COLEC10: variants seen among roughly 807,000 people sequenced by gnomAD.
COLEC10 encodes the protein collectin-10.
COLEC10 carries 22 observed loss-of-function variants against 28.4 expected under a neutral mutation model. The observed-to-expected ratio is 0.78, with a 90% CI of 0.55 to 1.11. The LOEUF (loss-of-function observed/expected upper bound fraction) is 1.11, where lower values mean the gene tolerates loss of function less well. Ranked by LOEUF, COLEC10 falls within the 50% of genes least tolerant of loss-of-function variation. COLEC10 has a pLI of 0.00. For missense variants in COLEC10, 361 were observed against 344.1 expected, an observed-to-expected ratio of 1.05 and a Z score of -0.39; for synonymous variants, 125 against 116.1, an observed-to-expected ratio of 1.08 and a Z score of -0.49.
At chr8:118,987,653 G>GA in the COLEC10 span, among the ~76,000 whole-genome samples, 32 of 151,356 alleles carry the variant, frequency 2.1e-4, no homozygotes, top group African/African-American at 6.5e-4. Context: ...AAAGTGTTGA[G>GA]AAAAAAAAAT....
the COLEC10 span, among the ~76,000 whole-genome samples, chr8:118,952,951 T>C: frequency 6.6e-6 from 1 of 152,192 alleles, no homozygotes; most frequent in Non-Finnish European, 1.5e-5. Flanking sequence ...CCTGCAGAGC[T>C]GCTTCCCCAT....
intron 1 of COLEC10, among the ~76,000 whole-genome samples, chr8:119,004,262 A>G (rs1813749183): frequency 6.6e-6 from 1 of 151,986 alleles, no homozygotes; most frequent in African/African-American, 2.4e-5. Context: ...AGCTATTCCA[A>G]CTATCAGGTC....
chr8:118,953,988 G>A, the COLEC10 span, among the ~76,000 whole-genome samples: 9 of 152,148 alleles, frequency 5.9e-5, no homozygotes, highest in African/African-American at 1.4e-4. Flanking sequence ...AATAGTGTCC[G>A]GCACATAGTG....
chr8:119,032,103 A>G (rs1012678443), intron 2 of COLEC10, among the ~76,000 whole-genome samples: 1 of 152,202 alleles, frequency 6.6e-6, no homozygotes, highest in Non-Finnish European at 1.5e-5. Context: ...ACTCAATTTG[A>G]GGTCATCTTA....
the COLEC10 span, among the ~76,000 whole-genome samples, chr8:118,965,187 G>A: frequency 1.3e-5 from 2 of 151,592 alleles, no homozygotes; most frequent in Admixed American, 6.6e-5. Context: ...AAGATACAGA[G>A]GCAGGGAAAT....
intron 2 of COLEC10, among the ~76,000 whole-genome samples, chr8:119,034,801 A>T (rs974694323): frequency 6.6e-6 from 1 of 152,248 alleles, no homozygotes; most frequent in Non-Finnish European, 1.5e-5. Flanking sequence ...TCTGACACTT[A>T]CTAGCTGTGT....
intron 4 of COLEC10, among the ~76,000 whole-genome samples, chr8:119,103,436 T>C (rs1815878262): frequency 6.6e-6 from 1 of 152,158 alleles, no homozygotes; most frequent in Admixed American, 6.6e-5. Context: ...AGGAAATATG[T>C]TTCAAGAAAG....
At chr8:119,083,030 G>A (rs1815398177) in intron 1 of COLEC10, among the ~76,000 whole-genome samples, 2 of 152,158 alleles carry the variant, frequency 1.3e-5, no homozygotes, top group South Asian at 4.1e-4. Flanking sequence ...ATTATCTAGT[G>A]TTTGTACTAG....
the COLEC10 span, among the ~76,000 whole-genome samples, chr8:118,955,478 C>A: frequency 6.6e-6 from 1 of 152,206 alleles, no homozygotes; most frequent in Non-Finnish European, 1.5e-5. Context: ...TGGTTCACTA[C>A]TCACCTATAA....
chr8:119,088,340 C>A (rs142405382), intron 1 of COLEC10, among the ~76,000 whole-genome samples: 1 of 152,178 alleles, frequency 6.6e-6, no homozygotes, highest in East Asian at 1.9e-4. Context: ...TTTCTGAAAG[C>A]CATCCTAGGA....
At chr8:118,999,062 A>G (rs1471948316) in intron 1 of COLEC10, among the ~76,000 whole-genome samples, 1 of 152,116 alleles carries the variant, frequency 6.6e-6, no homozygotes, top group Non-Finnish European at 1.5e-5. Context: ...AATAGAGACA[A>G]ATAAATGTGT....
chr8:119,050,056 A>T (rs961486021), intron 2 of COLEC10, among the ~76,000 whole-genome samples: 7 of 152,148 alleles, frequency 4.6e-5, no homozygotes, highest in African/African-American at 1.7e-4. Flanking sequence ...CCTAACTTCA[A>T]AGCAACTCTT....
At chr8:118,970,717 A>T in the COLEC10 span, among the ~76,000 whole-genome samples, 1 of 151,496 alleles carries the variant, frequency 6.6e-6, no homozygotes, top group Non-Finnish European at 1.5e-5. Flanking sequence ...TCTTTGAATG[A>T]TATAATATCC....
At chr8:118,954,315 C>T in the COLEC10 span, among the ~76,000 whole-genome samples, 1 of 152,206 alleles carries the variant, frequency 6.6e-6, no homozygotes, top group Admixed American at 6.5e-5. Flanking sequence ...TGACAGAAAA[C>T]TGACAGAGAC....
chr8:119,091,595 G>GAAAGAAAGAAAGAAAGAA (rs1554629267), intron 3 of COLEC10, among the ~76,000 whole-genome samples: 1 of 138,488 alleles, frequency 7.2e-6, no homozygotes, highest in African/African-American at 2.8e-5. Context: ...GAGAGAGAGA[G>GAAAGAAAGAAAGAAAGAA]AGAAAGAAAG....
the COLEC10 span, among the ~76,000 whole-genome samples, chr8:118,989,483 T>C: frequency 1.4e-5 from 2 of 147,890 alleles, no homozygotes; most frequent in Non-Finnish European, 3.0e-5. Context: ...AATCATGGAT[T>C]GAGTAAGCTT....
chr8:119,029,141 T>A (rs1814245114), intron 2 of COLEC10, among the ~76,000 whole-genome samples: 1 of 152,120 alleles, frequency 6.6e-6, no homozygotes, highest in Admixed American at 6.5e-5. Flanking sequence ...GAGCACAGGG[T>A]TCCCAAAGGG....
intron 2 of COLEC10, among the ~76,000 whole-genome samples, chr8:119,038,901 T>C (rs12056749): frequency 0.041 from 6,309 of 152,174 alleles, 182 homozygotes; most frequent in East Asian, 0.16. Flanking sequence ...TTAGCCTTTT[T>C]TTGAAATTTT....
At chr8:119,068,583 A>T (rs1014191349) in intron 1 of COLEC10, 4 of 152,198 alleles carry the variant, frequency 2.6e-5, no homozygotes, top group African/African-American at 9.6e-5. Flanking sequence ...ATTGAAAATT[A>T]AAGTTTTCCT....
Sources: allele counts gnomAD v4.1 joint callset (sites outside exome capture counted in the v4.1 genomes callset), GRCh38; gene constraint gnomAD v4.1.1; transcripts MANE v1.5; gene names NCBI Gene and HGNC (gene_info 2026-07-23, HGNC 2026-07-21).